Variants in LRRC7 observed in about 807,000 individuals in gnomAD.
LRRC7 encodes leucine rich repeat containing 7.
Under a neutral mutation model 175.7 loss-of-function variants are expected in LRRC7, and 23 were observed. That is an observed-to-expected ratio of 0.13 (90% CI 0.09 to 0.19). The LOEUF (loss-of-function observed/expected upper bound fraction) is 0.19. Among genes scored for constraint, LRRC7 ranks in the 10% least tolerant of loss-of-function variants. LRRC7 has a pLI of 1.00. For missense variants in LRRC7, 1,354 were observed against 1,904.7 expected (o/e 0.71, Z 5.38); for synonymous variants, 685 against 680.9 (o/e 1.01, Z -0.09).
At chr1:70,008,595 T>C (rs1404346638) in intron 11 of LRRC7, among the ~76,000 whole-genome samples, 1 of 152,212 alleles carries the variant, frequency 6.6e-6, no homozygotes, top group African/African-American at 2.4e-5. Flanking sequence ...TAATACACTT[T>C]AAAAGTTGAA....
chr1:69,668,283 T>A (rs1658561414), intron 1 of LRRC7, among the ~76,000 whole-genome samples: 1 of 152,018 alleles, frequency 6.6e-6, no homozygotes, highest in Non-Finnish European at 1.5e-5. Context: ...CTCCTAATGC[T>A]ATCCCTCCCC....
At chr1:70,048,019 G>T (rs1285953204) in intron 22 of LRRC7, among the ~76,000 whole-genome samples, 1 of 151,422 alleles carries the variant, frequency 6.6e-6, no homozygotes, top group East Asian at 1.9e-4. Context: ...TTTATTTACT[G>T]CCTTTCCAAA....
rs1303588778 is a variant in LRRC7, at chr1:69,980,581, C to G, written c.786+128C>G. The G allele has an allele frequency of 3.7e-5, 26 of 705,234 alleles. No homozygotes were observed. The East Asian group carries it at 6.8e-4, about 19-fold the overall frequency. 43.7% of individuals were successfully genotyped at this position (705,234 alleles called of 1,614,324 possible). A position where few individuals can be genotyped will look rare whatever the true frequency, so the allele number is the denominator to read the frequency against. On this transcript the variant is annotated intron_variant, in intron 9 of 26. Transcript: ENST00000651989. ...TAAAATAATACTCATTAGGAGTGTT[C>G]AGTCACCAAGTGTTTTCACCATTTT...
intron 2 of LRRC7, among the ~76,000 whole-genome samples, chr1:69,745,371 A>G (rs1669141918): frequency 6.6e-6 from 1 of 151,974 alleles, no homozygotes; most frequent in Non-Finnish European, 1.5e-5. Flanking sequence ...TGACATTCAT[A>G]TACAATACTT....
intron 4 of LRRC7, among the ~76,000 whole-genome samples, chr1:69,802,779 G>A (rs1333156740): frequency 1.3e-5 from 2 of 150,954 alleles, no homozygotes; most frequent in Non-Finnish European, 3.0e-5. Flanking sequence ...TGGTTTTGTG[G>A]TTCTTTGTTT....
chr1:69,760,038 G>A (rs1404745117), intron 2 of LRRC7, 153 bp from the exon 3 acceptor site: 2 of 768,752 alleles, frequency 2.6e-6, no homozygotes, highest in East Asian at 5.5e-5. Context: ...GGCTGTTTAA[G>A]GATTTAATGA....
In LRRC7 at chr1:69,724,166, G is replaced by A. The variant is rs190648658; in HGVS notation, c.101-36025G>A. Among the ~76,000 whole-genome samples, 441 of 152,178 alleles carry A rather than the reference G, an allele frequency of 2.9e-3. 1 individual carries two copies. Among genetic ancestry groups the A allele is most frequent in the Non-Finnish European group, 5.0e-3 (339 of 68,010 alleles). On this transcript the variant is annotated intron_variant, in intron 2 of 26. Coordinates refer to ENST00000651989, the MANE Select transcript of LRRC7 (RefSeq NM_001370785.2). ...TTTTTCCTCATCTGTGAAAAAAATG[G>A]ATATAATTGTACTCATCTCTTAATA...
In LRRC7 at chr1:70,132,457, C is replaced by CTTTTTTTTTTTTTTTTTTTTTT. The variant is rs149091576; in HGVS notation, c.*10575_*10596dup. ...TTTCTTTTTTCTTTTCTTTTCTTTTCTTTTTTTTTTTTTTTTTTTTTTTTT... is the reference window on the plus strand; with the variant it reads ...TTTCTTTTTTCTTTTCTTTTCTTTTCTTTTTTTTTTTTTTTTTTTTTTTTTTTTTTTTTTTTTTTTTTTTTTT... On this transcript the variant is annotated 3_prime_UTR_variant, in exon 27 of 27. Coordinates refer to ENST00000651989, the MANE Select transcript of LRRC7 (RefSeq NM_001370785.2). Among the ~76,000 whole-genome samples, 1 of 76,450 alleles carries CTTTTTTTTTTTTTTTTTTTTTT rather than the reference C, an allele frequency of 1.3e-5. No individual in the cohort carries two copies. Among genetic ancestry groups the CTTTTTTTTTTTTTTTTTTTTTT allele is most frequent in the Non-Finnish European group, 2.2e-5 (1 of 44,532 alleles). 50.2% of individuals were successfully genotyped at this position (76,450 alleles called of 152,430 possible).
At chr1:69,837,136 G>C (rs929747920) in intron 6 of LRRC7, among the ~76,000 whole-genome samples, 5 of 151,816 alleles carry the variant, frequency 3.3e-5, no homozygotes, top group Non-Finnish European at 5.9e-5. Context: ...AATCACAAAT[G>C]TTACTCAAGC....
chr1:69,700,692 A>G (rs1363950211), intron 2 of LRRC7, among the ~76,000 whole-genome samples: 1 of 152,218 alleles, frequency 6.6e-6, no homozygotes, highest in African/African-American at 2.4e-5. Flanking sequence ...CCAAGAGAGG[A>G]AGAAAGGAAC....
At chr1:69,692,593 C>G (rs1200238271) in intron 2 of LRRC7, among the ~76,000 whole-genome samples, 1 of 152,130 alleles carries the variant, frequency 6.6e-6, no homozygotes, top group Non-Finnish European at 1.5e-5. Flanking sequence ...AGGCCTTGAC[C>G]CTTCATATTC....
At chr1:69,728,080 C>CT (rs1008116303) in intron 2 of LRRC7, among the ~76,000 whole-genome samples, 1 of 152,134 alleles carries the variant, frequency 6.6e-6, no homozygotes, top group African/African-American at 2.4e-5. Flanking sequence ...AGTTTTATTA[C>CT]TTTTTTCAGA....
chr1:69,820,032 T>G (rs555572901), intron 4 of LRRC7, among the ~76,000 whole-genome samples: 3 of 152,274 alleles, frequency 2.0e-5, no homozygotes, highest in South Asian at 4.1e-4. Flanking sequence ...ACATTTAAAA[T>G]AATTATTGAT....
intron 8 of LRRC7, among the ~76,000 whole-genome samples, chr1:69,936,363 A>G (rs1312871190): frequency 6.6e-6 from 1 of 152,212 alleles, no homozygotes; most frequent in Non-Finnish European, 1.5e-5. Context: ...TTTCTATCAT[A>G]TCAAACCTTT....
chr1:69,829,609 A>G (rs1680310229), intron 5 of LRRC7, among the ~76,000 whole-genome samples: 1 of 101,776 alleles, frequency 9.8e-6, no homozygotes, highest in Admixed American at 9.9e-5. Flanking sequence ...AATATAAGCA[A>G]TTAAAGTATT....
intron 1 of LRRC7, among the ~76,000 whole-genome samples, chr1:69,623,901 A>C (rs1651064514): frequency 6.6e-6 from 1 of 152,144 alleles, no homozygotes; most frequent in African/African-American, 2.4e-5. Context: ...TTGTTTGGCC[A>C]CATTCACCTC....
chr1:69,965,552 A>T (rs1393950451), intron 8 of LRRC7, among the ~76,000 whole-genome samples: 2 of 152,102 alleles, frequency 1.3e-5, no homozygotes, highest in Admixed American at 6.5e-5. Context: ...TATTCATTCA[A>T]TAATTATTAA....
rs76241412 is a variant in LRRC7, at chr1:69,578,968, A to C, written c.2+10327A>C. On this transcript the variant is annotated intron_variant, in intron 1 of 26. Transcript: ENST00000651989. ...ATAAAATAAAATAAAATAAAAAGAA[A>C]TGCATGGAAAAAAAAGTTGTATTTT... Among the ~76,000 whole-genome samples, 1,122 of 151,988 alleles carry C rather than the reference A, an allele frequency of 7.4e-3. 14 individuals are homozygous for C. The highest frequency in any genetic ancestry group is 0.025 in the African/African-American group (1,047 of 41,508).
intron 2 of LRRC7, among the ~76,000 whole-genome samples, chr1:69,680,680 ATTT>A (rs765359448): frequency 6.2e-5 from 9 of 145,910 alleles, no homozygotes; most frequent in South Asian, 2.2e-4. Context: ...AAAAGCCACA[ATTT>A]TTTTTTTTTT....
Sources: gnomAD v4.1 joint callset for allele counts (sites outside exome capture counted in the v4.1 genomes callset) on GRCh38, gnomAD v4.1.1 for gene constraint, MANE v1.5 for transcripts, NCBI Gene and HGNC (gene_info 2026-07-23, HGNC 2026-07-21) for gene names.